SIPA1L1: variants seen among roughly 807,000 people sequenced by gnomAD.
SIPA1L1 encodes the protein signal induced proliferation associated 1 like 1.
In SIPA1L1, 26 loss-of-function variants were observed where a neutral mutation model predicts 162.7. The observed-to-expected ratio is 0.16, with a 90% CI of 0.12 to 0.22. The LOEUF is 0.22. SIPA1L1 is among the 10% of genes least tolerant of loss of function. SIPA1L1 has a pLI of 1.00. For missense variants in SIPA1L1, 1,874 were observed against 2,241.0 expected, an observed-to-expected ratio of 0.84 and a Z score of 3.31; for synonymous variants, 829 against 837.4, an observed-to-expected ratio of 0.99 and a Z score of 0.17.
chr14:71,590,030 A>ATATAT (rs1175469097), intron 5 of SIPA1L1, among the ~76,000 whole-genome samples: 7 of 52,642 alleles, frequency 1.3e-4, no homozygotes, highest in East Asian at 2.4e-3. Flanking sequence ...GTAAAAAAAA[A>ATATAT]AAAAAAAAAA....
intron 2 of SIPA1L1, among the ~76,000 whole-genome samples, chr14:71,415,782 C>G (rs781104216): frequency 3.3e-5 from 5 of 152,120 alleles, no homozygotes; most frequent in Non-Finnish European, 7.3e-5. Context: ...ACTGCAACCT[C>G]TAACTCCCAG....
chr14:71,367,909 C>CT (rs543910059), intron 2 of SIPA1L1, among the ~76,000 whole-genome samples: 3,455 of 126,998 alleles, frequency 0.027, 78 homozygotes, highest in African/African-American at 0.056. Flanking sequence ...GCCGGCCTTC[C>CT]TTTTTTTTTT....
chr14:71,394,348 A>G (rs1321765364), intron 2 of SIPA1L1, among the ~76,000 whole-genome samples: 1 of 152,236 alleles, frequency 6.6e-6, no homozygotes, highest in Non-Finnish European at 1.5e-5. Context: ...AGCCTCTATT[A>G]CTATTATTTT....
chr14:71,700,075 G>A (rs2149800991), intron 14 of SIPA1L1, among the ~76,000 whole-genome samples: 1 of 152,316 alleles, frequency 6.6e-6, no homozygotes, highest in South Asian at 2.1e-4. Flanking sequence ...ATTGGGGATA[G>A]GGGGCATACA....
intron 4 of SIPA1L1, among the ~76,000 whole-genome samples, chr14:71,570,421 C>T (rs74908387): frequency 0.021 from 3,183 of 152,076 alleles, 108 homozygotes; most frequent in African/African-American, 0.072. Flanking sequence ...CACAGGTGAA[C>T]GCCACTACAC....
chr14:71,332,034 T>C (rs2034604432), intron 2 of SIPA1L1, among the ~76,000 whole-genome samples: 1 of 152,176 alleles, frequency 6.6e-6, no homozygotes, highest in African/African-American at 2.4e-5. Flanking sequence ...TTGAGTATAT[T>C]ATTTGAAGGG....
At chr14:71,416,290 C>G (rs1446798916) in intron 2 of SIPA1L1, 2 of 152,104 alleles carry the variant, frequency 1.3e-5, no homozygotes, top group Non-Finnish European at 2.9e-5. Flanking sequence ...CAAGTCCAGA[C>G]AATATCAAGA....
At chr14:71,402,595 C>T (rs999459660) in intron 2 of SIPA1L1, among the ~76,000 whole-genome samples, 7 of 152,006 alleles carry the variant, frequency 4.6e-5, no homozygotes, top group South Asian at 2.1e-4. Context: ...GTGATCTGCC[C>T]GCCTTGGCCT....
chr14:71,438,167 A>C (rs1489151244), intron 2 of SIPA1L1, among the ~76,000 whole-genome samples: 1 of 151,960 alleles, frequency 6.6e-6, no homozygotes, highest in Non-Finnish European at 1.5e-5. Flanking sequence ...AACAAAACAA[A>C]ACTCGTCACC....
rs1470225962 is a variant in SIPA1L1, at chr14:71,450,231, TTC to T, written c.-464-62510_-464-62509del. The stretch of plus-strand genomic sequence containing the variant: ...ATGTAACTTTATATTTAGATTTATA[TTC>T]TGTCATATTTCTATTTGGAGGGCTT... On this transcript the variant is annotated intron_variant, in intron 2 of 23. Transcript: ENST00000381232. 6.6e-5 allele frequency among the ~76,000 whole-genome samples: 10 copies of T among 152,198 alleles called. No individual in the cohort carries two copies. In the South Asian group the frequency reaches 1.0e-3, roughly 16 times the overall value.
At chr14:71,632,116 G>C (rs1206818859) in intron 7 of SIPA1L1, among the ~76,000 whole-genome samples, 2 of 152,184 alleles carry the variant, frequency 1.3e-5, no homozygotes, top group East Asian at 3.8e-4. Flanking sequence ...TGGAGTAGAT[G>C]TATTTCTCTG....
chr14:71,594,307 AAGCATCATTAAAT>A (rs1321907416), intron 5 of SIPA1L1, among the ~76,000 whole-genome samples: 1 of 152,214 alleles, frequency 6.6e-6, no homozygotes, highest in Non-Finnish European at 1.5e-5. Context: ...TCTGTCAAAT[AAGCATCATTAAAT>A]AGCTGTTATA....
intron 2 of SIPA1L1, among the ~76,000 whole-genome samples, chr14:71,460,156 C>G (rs549606825): frequency 6.6e-6 from 1 of 152,306 alleles, no homozygotes; most frequent in South Asian, 2.1e-4. Context: ...GGAGGAAATA[C>G]TCATGACAAT....
intron 2 of SIPA1L1, among the ~76,000 whole-genome samples, chr14:71,328,790 A>G (rs2034146777): frequency 6.6e-6 from 1 of 152,222 alleles, no homozygotes; most frequent in Non-Finnish European, 1.5e-5. Context: ...ATTGTGGTAA[A>G]AACAGAAAAA....
chr14:71,350,253 AC>A (rs2036570087), intron 2 of SIPA1L1, among the ~76,000 whole-genome samples: 3 of 151,830 alleles, frequency 2.0e-5, no homozygotes, highest in African/African-American at 7.3e-5. Flanking sequence ...ACACACACAC[AC>A]ACAATTAGCT....
At chr14:71,640,702 G>A (rs758348289) in intron 7 of SIPA1L1, among the ~76,000 whole-genome samples, 76 of 152,320 alleles carry the variant, frequency 5.0e-4, no homozygotes, top group South Asian at 2.1e-3. Context: ...TTGGCTCACT[G>A]CAACCTCCGC....
At chr14:71,501,454 G>T (rs1026769169) in intron 2 of SIPA1L1, among the ~76,000 whole-genome samples, 1 of 152,172 alleles carries the variant, frequency 6.6e-6, no homozygotes, top group African/African-American at 2.4e-5. Context: ...ATAAGAAAGT[G>T]TACATATTCT....
At chr14:71,375,309 G>A (rs145640257) in intron 2 of SIPA1L1, among the ~76,000 whole-genome samples, 2 of 152,154 alleles carry the variant, frequency 1.3e-5, no homozygotes, top group Admixed American at 6.5e-5. Context: ...CCATTTTGGT[G>A]GGAAAGAGAT....
At chr14:71,704,618 T>C (rs991385962) in intron 15 of SIPA1L1, 3 of 765,662 alleles carry the variant, frequency 3.9e-6, no homozygotes, top group Non-Finnish European at 7.0e-6. Flanking sequence ...AAATTCTTTA[T>C]CTCTCACTTT....
Sources: allele counts gnomAD v4.1 joint callset (sites outside exome capture counted in the v4.1 genomes callset), GRCh38; gene constraint gnomAD v4.1.1; transcripts MANE v1.5; gene names NCBI Gene and HGNC (gene_info 2026-07-23, HGNC 2026-07-21).